UPRT: variants seen among roughly 807,000 people sequenced by gnomAD.
UPRT encodes the protein RP11-311P8.3.
Under a neutral mutation model 22.6 loss-of-function variants are expected in UPRT, and 5 were observed. The observed-to-expected ratio is 0.22, with a 90% CI of 0.12 to 0.47. UPRT has a LOEUF of 0.47. Ranked by LOEUF, UPRT falls within the 20% of genes least tolerant of loss-of-function variation. The pLI is 0.99. For missense variants in UPRT, 181 were observed against 239.9 expected (o/e 0.75, Z 1.62); for synonymous variants, 77 against 87.7 (o/e 0.88, Z 0.68).
chrX:75,192,838 T>G (rs1451973319), intron 4 of UPRT, among the ~76,000 whole-genome samples: 1 of 112,163 alleles, frequency 8.9e-6, no homozygotes, highest in African/African-American at 3.2e-5. Context: ...TCCTTTACTT[T>G]GAGCCTATGG....
At chrX:75,203,088 A>C (rs188618937) in intron 4 of UPRT, among the ~76,000 whole-genome samples, 2 of 111,943 alleles carry the variant, frequency 1.8e-5, no homozygotes, top group East Asian at 5.6e-4. Context: ...CTCAAAATAA[A>C]GGGATGAAGA....
chrX:75,220,444 A>G (rs975926022), intron 4 of UPRT, among the ~76,000 whole-genome samples: 7 of 110,802 alleles, frequency 6.3e-5, no homozygotes, highest in Admixed American at 2.9e-4. Context: ...CTTGCCATTT[A>G]TTTATTGTTT....
intron 4 of UPRT, among the ~76,000 whole-genome samples, chrX:75,248,616 C>A (rs1386180946): frequency 3.6e-5 from 4 of 111,829 alleles, no homozygotes; most frequent in Admixed American, 9.5e-5. Context: ...GAGAATGGAA[C>A]CAAGTTGGAA....
intron 4 of UPRT, among the ~76,000 whole-genome samples, chrX:75,216,694 T>C (rs1320817384): frequency 8.9e-6 from 1 of 112,528 alleles, no homozygotes; most frequent in Non-Finnish European, 1.9e-5. Flanking sequence ...TGTTTGACCA[T>C]CCAGCTGGAG....
chrX:75,234,832 C>G (rs1287351008), intron 4 of UPRT, among the ~76,000 whole-genome samples: 1 of 111,233 alleles, frequency 9.0e-6, no homozygotes, highest in African/African-American at 3.3e-5. Flanking sequence ...CAAGAGAAAG[C>G]AGGAAAGATC....
chrX:75,278,669 C>T (rs1259418171), intron 1 of UPRT, among the ~76,000 whole-genome samples: 1 of 111,658 alleles, frequency 9.0e-6, no homozygotes, highest in Non-Finnish European at 1.9e-5. Context: ...TTTTTTGTTT[C>T]CTGAAACATT....
At chrX:75,234,881 G>A (rs764553388) in intron 4 of UPRT, among the ~76,000 whole-genome samples, 7 of 111,117 alleles carry the variant, frequency 6.3e-5, no homozygotes, top group African/African-American at 1.6e-4. Context: ...AAAGAACTAG[G>A]AAAGCAAGAG....
At chrX:75,209,704 G>C (rs1237729262) in intron 4 of UPRT, among the ~76,000 whole-genome samples, 1 of 112,123 alleles carries the variant, frequency 8.9e-6, no homozygotes, top group Admixed American at 9.4e-5. Context: ...ATAGGGTAAG[G>C]TTTTGAGGGT....
chrX:75,300,798 A>G (rs1024394627), intron 5 of UPRT, 69 bp from the exon 6 acceptor site: 7 of 932,570 alleles, frequency 7.5e-6, no homozygotes, highest in Non-Finnish European at 9.0e-6. Flanking sequence ...CCTCCCCCAA[A>G]AAAAGAAAAA....
chrX:75,177,636 C>T (rs1256046349), intron 4 of UPRT, among the ~76,000 whole-genome samples: 1 of 111,463 alleles, frequency 9.0e-6, no homozygotes, highest in Non-Finnish European at 1.9e-5. Flanking sequence ...ACCTTTTGTC[C>T]TCACTTATAT....
At chrX:75,257,115 C>T (rs2082552016) in intron 4 of UPRT, among the ~76,000 whole-genome samples, 1 of 111,834 alleles carries the variant, frequency 8.9e-6, no homozygotes, top group East Asian at 2.8e-4. Flanking sequence ...TGCTAAAATC[C>T]TTAACAAAAT....
intron 4 of UPRT, among the ~76,000 whole-genome samples, chrX:75,188,061 G>C (rs1453878730): frequency 9.8e-5 from 11 of 112,211 alleles, no homozygotes; most frequent in African/African-American, 3.6e-4. Flanking sequence ...TTCCATTGCT[G>C]GTGAGGAACT....
At chrX:75,233,133 A>T (rs1166049548) in intron 4 of UPRT, among the ~76,000 whole-genome samples, 1 of 111,950 alleles carries the variant, frequency 8.9e-6, no homozygotes, top group Non-Finnish European at 1.9e-5. Flanking sequence ...CAACTACGTG[A>T]AGAATGCAGA....
At chrX:75,265,156 T>C (rs777792161) in intron 4 of UPRT, among the ~76,000 whole-genome samples, 313 of 111,240 alleles carry the variant, frequency 2.8e-3, no homozygotes, top group Middle Eastern at 9.2e-3. Context: ...CAATTATGTG[T>C]CTTGGAGTTG....
intron 4 of UPRT, among the ~76,000 whole-genome samples, chrX:75,198,709 T>TATGCACATATGTTCTATCAC (rs1569264374): frequency 9.1e-6 from 1 of 110,292 alleles, no homozygotes; most frequent in Non-Finnish European, 1.9e-5. Flanking sequence ...TGTTCTATCA[T>TATGCACATATGTTCTATCAC]ATATGCAGAT....
At chrX:75,272,150 G>T (rs1049002837), upstream of UPRT, among the ~76,000 whole-genome samples, 1 of 107,893 alleles carries the variant, frequency 9.3e-6, no homozygotes, top group African/African-American at 3.4e-5. Context: ...CAGAGGAAAA[G>T]AAGTCATTAT....
intron 4 of UPRT, among the ~76,000 whole-genome samples, chrX:75,231,888 A>G (rs943892417): frequency 8.9e-6 from 1 of 112,226 alleles, no homozygotes; most frequent in African/African-American, 3.2e-5. Context: ...AGACACACAA[A>G]TGCTAAGAGA....
intron 4 of UPRT, among the ~76,000 whole-genome samples, chrX:75,266,283 C>T (rs1456541882): frequency 9.0e-6 from 1 of 110,914 alleles, no homozygotes; most frequent in Non-Finnish European, 1.9e-5. Context: ...AGAAATAATG[C>T]CGCATATCTA....
At chrX:75,181,402 T>C (rs535915309) in intron 4 of UPRT, among the ~76,000 whole-genome samples, 5 of 112,063 alleles carry the variant, frequency 4.5e-5, no homozygotes, top group African/African-American at 1.6e-4. Flanking sequence ...ATTGGTAGTT[T>C]GATAGTAATA....
Sources: allele counts gnomAD v4.1 joint callset (sites outside exome capture counted in the v4.1 genomes callset), GRCh38; gene constraint gnomAD v4.1.1; transcripts MANE v1.5; gene names NCBI Gene and HGNC (gene_info 2026-07-23, HGNC 2026-07-21).